MYPN: variants seen among roughly 807,000 people sequenced by gnomAD.
MYPN encodes sarcomeric protein myopalladin, 145 kDa (MYOP).
In MYPN, 63 loss-of-function variants were observed where a neutral mutation model predicts 129.4. The observed-to-expected ratio is 0.49, with a 90% CI of 0.40 to 0.60. The LOEUF (loss-of-function observed/expected upper bound fraction) is 0.60, where lower values mean the gene tolerates loss of function less well. Among genes scored for constraint, MYPN ranks in the 20% least tolerant of loss-of-function variants. The pLI is 0.00. For synonymous variants in MYPN, 629 were observed against 600.9 expected, an observed-to-expected ratio of 1.05 and a Z score of -0.68; for missense variants, 1,596 against 1,635.4, an observed-to-expected ratio of 0.98 and a Z score of 0.42.
intron 2 of MYPN, chr10:68,135,620 G>T: frequency 2.7e-6 from 1 of 370,828 alleles, no homozygotes; most frequent in Non-Finnish European, 3.7e-6. Context: ...TTAAAGGAAA[G>T]TCCTTTTCTG....
intron 12 of MYPN, among the ~76,000 whole-genome samples, chr10:68,186,314 G>A (rs1189153289): frequency 2.6e-5 from 4 of 152,128 alleles, no homozygotes; most frequent in Non-Finnish European, 4.4e-5. Context: ...GGTTTCTGTA[G>A]TTCCAAAGTT....
intron 1 of MYPN, among the ~76,000 whole-genome samples, chr10:68,089,566 C>T (rs948749589): frequency 7.9e-5 from 12 of 151,886 alleles, no homozygotes; most frequent in Non-Finnish European, 1.5e-4. Context: ...AGGCTGGTCT[C>T]GATCTCCTGA....
intron 7 of MYPN, among the ~76,000 whole-genome samples, chr10:68,161,360 G>A (rs1311984949): frequency 6.6e-6 from 1 of 152,058 alleles, no homozygotes; most frequent in Non-Finnish European, 1.5e-5. Flanking sequence ...GCCAGGCATG[G>A]TGGCACATGC....
intron 18 of MYPN, among the ~76,000 whole-genome samples, chr10:68,204,068 G>A (rs2043768778): frequency 6.6e-6 from 1 of 152,118 alleles, no homozygotes; most frequent in African/African-American, 2.4e-5. Context: ...CAGTGCCCCT[G>A]CTTCCTCCCC....
intron 1 of MYPN, among the ~76,000 whole-genome samples, chr10:68,089,743 G>A (rs975569113): frequency 4.6e-5 from 7 of 152,096 alleles, no homozygotes; most frequent in Non-Finnish European, 1.0e-4. Context: ...ACCCAAAAAA[G>A]GATCTGTAAT....
intron 12 of MYPN, among the ~76,000 whole-genome samples, chr10:68,183,950 G>C (rs1190572284): frequency 6.6e-6 from 1 of 151,984 alleles, no homozygotes; most frequent in African/African-American, 2.4e-5. Flanking sequence ...TGAACCCAGG[G>C]AGTTGAGGCT....
Position 68,200,486 on chromosome 10 carries a change from G to A in MYPN, c.3493+911G>A, listed in dbSNP as rs369378385. On this transcript the variant is annotated intron_variant, in intron 17 of 19. Transcript: ENST00000358913. ...TTAAGAAAATCAGGGTGTGGGGCAC[G>A]GTGGCTCACACCTGTAATCCCAACA... 1.2e-4 allele frequency among the ~76,000 whole-genome samples: 19 copies of A among 152,194 alleles called. No individual in the cohort carries two copies. The South Asian group carries it at 3.9e-3, about 32-fold the overall frequency.
At position 68,148,345 on chromosome 10, in the gene MYPN, T is replaced by C; in HGVS notation, c.1131-8T>C. On this transcript the variant is annotated splice_region_variant and splice_polypyrimidine_tract_variant and intron_variant, in intron 4 of 19. Coordinates refer to ENST00000358913, the MANE Select transcript of MYPN (RefSeq NM_032578.4). ...TATTTTATAATCTATATTTTAATAATTTCTCAGAATCCAGAAGCCAAATGA... is the reference window on the plus strand; with the variant it reads ...TATTTTATAATCTATATTTTAATAACTTCTCAGAATCCAGAAGCCAAATGA... The C allele has an allele frequency of 6.3e-7, 1 of 1,597,478 alleles. No homozygotes were observed. Among genetic ancestry groups the C allele is most frequent in the Non-Finnish European group, 8.6e-7 (1 of 1,164,994 alleles).
intron 3 of MYPN, among the ~76,000 whole-genome samples, chr10:68,143,449 G>A (rs1408003855): frequency 1.3e-5 from 2 of 152,116 alleles, no homozygotes; most frequent in East Asian, 1.9e-4. Flanking sequence ...CCACAAGGTC[G>A]TTTGAGAGAA....
At chr10:68,207,725 G>A (rs771996723) in intron 19 of MYPN, among the ~76,000 whole-genome samples, 1 of 152,062 alleles carries the variant, frequency 6.6e-6, no homozygotes. Flanking sequence ...GTCCAAAGGC[G>A]GGATTCAAAG....
At position 68,160,579 on chromosome 10, in the gene MYPN, G is replaced by A. The variant is rs570332345; in HGVS notation, c.1460-1150G>A. ...TCAAACACCTGTATTCAGTACCACC[G>A]TGGGCACTTTCATGAAGCCCAAAGA... is the stretch of plus-strand genomic sequence containing the variant. On this transcript the variant is annotated intron_variant, in intron 7 of 19. Coordinates refer to ENST00000358913, the MANE Select transcript of MYPN (RefSeq NM_032578.4). Among the ~76,000 whole-genome samples, 163 of 152,116 alleles carry A rather than the reference G, an allele frequency of 1.1e-3. 2 individuals carry two copies. In the Middle Eastern group the frequency reaches 0.034, roughly 32 times the overall value.
chr10:68,169,181 T>TAAAAAAAAAAAAAAAAAAAAA (rs59317396), intron 10 of MYPN, among the ~76,000 whole-genome samples: 6 of 91,072 alleles, frequency 6.6e-5, no homozygotes, highest in African/African-American at 4.0e-4. Context: ...CCGTCTCTAC[T>TAAAAAAAAAAAAAAAAAAAAA]AAAAAAAAAA....
intron 1 of MYPN, among the ~76,000 whole-genome samples, chr10:68,096,003 C>A (rs922149288): frequency 6.6e-5 from 10 of 152,070 alleles, no homozygotes; most frequent in Admixed American, 1.3e-4. Flanking sequence ...TTTTATTAGG[C>A]CTTTTTCTCA....
Position 68,142,072 on chromosome 10 carries a change from TCCCA to T in MYPN, c.903-866_903-863del, listed in dbSNP as rs2042587188. ...ATACCAGTGGATCTATAAGATAGAT[TCCCA>T]CAAGTGGGATTGTTGGGTCCAAGGA... On this transcript the variant is annotated intron_variant, in intron 2 of 19. Transcript: ENST00000358913. 2.6e-5 allele frequency among the ~76,000 whole-genome samples: 4 copies of T among 152,332 alleles called. No individual in the cohort carries two copies. In the South Asian group the frequency reaches 8.3e-4, roughly 32 times the overall value.
At chr10:68,161,852 TAAA>T in intron 8 of MYPN, 100 bp downstream of exon 8, 1 of 1,033,138 alleles carries the variant, frequency 9.7e-7, no homozygotes. Flanking sequence ...AAGTGAAAAA[TAAA>T]GTTTTAGGAA....
intron 18 of MYPN, among the ~76,000 whole-genome samples, chr10:68,203,720 C>CAAAG (rs1554851560): frequency 8.6e-6 from 1 of 115,660 alleles, no homozygotes; most frequent in South Asian, 3.0e-4. Flanking sequence ...CATACACACA[C>CAAAG]AGAGAGAGAG....
At position 68,211,805 on chromosome 10, in the gene MYPN, C is replaced by T. The variant is rs767047177; in HGVS notation, c.*1350C>T. 2.2e-6 allele frequency: 1 copy of T among 454,128 alleles called. No homozygotes were observed. Among genetic ancestry groups the T allele is most frequent in the South Asian group, 1.6e-5 (1 of 64,478 alleles). 28.1% of individuals were successfully genotyped at this position (454,128 alleles called of 1,614,324 possible). A position where few individuals can be genotyped will look rare whatever the true frequency, so the allele number is the denominator to read the frequency against. On this transcript the variant is annotated 3_prime_UTR_variant, in exon 20 of 20. Transcript: ENST00000358913. ...AACACTGCCCTGGGAATGCTCATCA[C>T]AGCACAGTTTGCTCTAGGCTGTGCA...
chr10:68,172,304 G>A (rs1008446919), intron 10 of MYPN, among the ~76,000 whole-genome samples: 4 of 152,116 alleles, frequency 2.6e-5, no homozygotes, highest in African/African-American at 4.8e-5. Context: ...ACAGTGAGCC[G>A]TGATTGTGCC....
At chr10:68,158,181 T>C (rs1424830661) in intron 6 of MYPN, 4 of 306,832 alleles carry the variant, frequency 1.3e-5, no homozygotes, top group Non-Finnish European at 2.4e-5. Context: ...TCTCCCTCAT[T>C]GTTTCCATGT....
Sources: allele counts gnomAD v4.1 joint callset (sites outside exome capture counted in the v4.1 genomes callset), GRCh38; gene constraint gnomAD v4.1.1; transcripts MANE v1.5; gene names NCBI Gene and HGNC (gene_info 2026-07-23, HGNC 2026-07-21).